Variants in SAMMSON observed in about 807,000 individuals in gnomAD.
The protein encoded by SAMMSON is long intergenic non-protein coding RNA 1212.
chr3:70,126,778 C>CCG, intron 4 of SAMMSON: 1 of 229,382 alleles, frequency 4.4e-6, no homozygotes, highest in East Asian at 1.3e-4. Flanking sequence ...TGCAGTGGCA[C>CCG]AGTCTCTACA....
chr3:70,142,146 G>C lies in SAMMSON; in HGVS notation n.507+70581G>C, dbSNP rs567543365. Among the ~76,000 whole-genome samples the C allele has an allele frequency of 4.6e-5, 7 of 151,928 alleles. No individual in the cohort carries two copies. In the South Asian group the frequency reaches 1.5e-3, roughly 32 times the overall value. ...GGAGGTTCCCTAAAATCTAAAAGTA[G>C]AACTACCATTTGATTCAGCTATCCC... is the stretch of plus-strand genomic sequence containing the variant. On this transcript the variant is annotated intron_variant and non_coding_transcript_variant, in intron 4 of 9. Coordinates refer to ENST00000642114, the Ensembl canonical transcript of SAMMSON.
rs184933545 is a variant in SAMMSON, at chr3:70,322,341, G to A, written n.739+31098G>A. On this transcript the variant is annotated intron_variant and non_coding_transcript_variant, in intron 7 of 9. Coordinates refer to ENST00000642114, the Ensembl canonical transcript of SAMMSON. ...TCTTAGCATCTGTCTTTCTCTTGAG[G>A]GAAGGGGCATCATTTGTCTACATGT... 1.3e-3 allele frequency among the ~76,000 whole-genome samples: 204 copies of A among 152,010 alleles called. 2 individuals are homozygous for A. The highest frequency in any genetic ancestry group is 7.8e-4 in the Non-Finnish European group (53 of 67,940).
intron 6 of SAMMSON, among the ~76,000 whole-genome samples, chr3:70,263,135 C>T (rs550294197): frequency 1.3e-5 from 2 of 152,050 alleles, no homozygotes; most frequent in African/African-American, 4.8e-5. Flanking sequence ...GATACCCTGA[C>T]TATAAACTCT....
chr3:70,152,125 G>T (rs1228140468), intron 4 of SAMMSON, among the ~76,000 whole-genome samples: 1 of 151,742 alleles, frequency 6.6e-6, no homozygotes, highest in East Asian at 1.9e-4. Flanking sequence ...TATAAAATAA[G>T]ATACAGTTCT....
intron 7 of SAMMSON, among the ~76,000 whole-genome samples, chr3:70,330,437 A>G (rs1041092674): frequency 6.6e-6 from 1 of 152,036 alleles, no homozygotes; most frequent in African/African-American, 2.4e-5. Flanking sequence ...TTGTATATCT[A>G]TATTTGTCTT....
At chr3:70,186,722 G>A (rs1701094831) in intron 4 of SAMMSON, among the ~76,000 whole-genome samples, 1 of 152,124 alleles carries the variant, frequency 6.6e-6, no homozygotes, top group Admixed American at 6.6e-5. Flanking sequence ...TGTGTGATGG[G>A]AAACAAATAT....
At chr3:70,408,402 C>T (rs565866494) in intron 2 of SAMMSON, among the ~76,000 whole-genome samples, 33 of 152,274 alleles carry the variant, frequency 2.2e-4, no homozygotes, top group Non-Finnish European at 3.4e-4. Flanking sequence ...CTTATAAAAC[C>T]GAATACCTTT....
chr3:70,364,537 T>C (rs1174443755), intron 9 of SAMMSON, among the ~76,000 whole-genome samples: 2 of 151,944 alleles, frequency 1.3e-5, no homozygotes, highest in Non-Finnish European at 2.9e-5. Context: ...AGATTCCTTT[T>C]TAAAAATTCT....
chr3:70,353,745 T>C (rs936533925), intron 7 of SAMMSON, among the ~76,000 whole-genome samples: 72 of 152,170 alleles, frequency 4.7e-4, no homozygotes, highest in Admixed American at 1.4e-3. Flanking sequence ...TAAAAACTTA[T>C]GTTCACACAA....
Position 70,274,095 on chromosome 3 carries a change from G to A in SAMMSON, n.675-17084G>A, listed in dbSNP as rs545557738. On this transcript the variant is annotated intron_variant and non_coding_transcript_variant, in intron 6 of 9. Coordinates refer to ENST00000642114, the Ensembl canonical transcript of SAMMSON. ...TGTGTGTGTGTGTGTGTGTGTGCGCGCGCGCATGTGTGTGTGTGAGACTGG... is the reference window on the plus strand; with the variant it reads ...TGTGTGTGTGTGTGTGTGTGTGCGCACGCGCATGTGTGTGTGTGAGACTGG... 4.7e-3 allele frequency among the ~76,000 whole-genome samples: 714 copies of A among 151,168 alleles called. 4 individuals carry two copies. Among genetic ancestry groups the A allele is most frequent in the African/African-American group, 0.016 (652 of 41,156 alleles).
At chr3:70,404,881 T>C (rs1262505784) in intron 2 of SAMMSON, among the ~76,000 whole-genome samples, 1 of 152,072 alleles carries the variant, frequency 6.6e-6, no homozygotes, top group African/African-American at 2.4e-5. Flanking sequence ...GATGGAATAA[T>C]GGAGAGAATG....
At chr3:70,257,373 G>A (rs9818533) in intron 6 of SAMMSON, among the ~76,000 whole-genome samples, 1,750 of 152,268 alleles carry the variant, frequency 0.011, 36 homozygotes, top group African/African-American at 0.039. Context: ...AGGAATGTCA[G>A]TAGCCATCAT....
intron 4 of SAMMSON, chr3:70,072,297 GT>G: frequency 6.6e-6 from 1 of 152,008 alleles, no homozygotes; most frequent in Non-Finnish European, 1.5e-5. Flanking sequence ...CAGAATGGAC[GT>G]TCGGGACGTT....
At chr3:70,092,442 A>C (rs1413712804) in intron 4 of SAMMSON, among the ~76,000 whole-genome samples, 1 of 52,870 alleles carries the variant, frequency 1.9e-5, no homozygotes, top group Non-Finnish European at 3.4e-5. Context: ...GATCAAACTC[A>C]TGCTGTTTTT....
intron 1 of SAMMSON, among the ~76,000 whole-genome samples, chr3:70,004,101 T>G (rs976464606): frequency 6.6e-6 from 1 of 152,088 alleles, no homozygotes; most frequent in African/African-American, 2.4e-5. Flanking sequence ...ACTATTATGA[T>G]TTTGGTAACA....
At chr3:70,416,277 C>G (rs935263799) in intron 2 of SAMMSON, among the ~76,000 whole-genome samples, 1 of 152,030 alleles carries the variant, frequency 6.6e-6, no homozygotes. Flanking sequence ...TAATAATTTC[C>G]CTTCATGTCC....
intron 3 of SAMMSON, among the ~76,000 whole-genome samples, chr3:70,019,893 A>C (rs575558132): frequency 1.9e-4 from 29 of 152,276 alleles, no homozygotes; most frequent in African/African-American, 6.5e-4. Flanking sequence ...AGCCTTTGTC[A>C]CACTTATTGG....
intron 7 of SAMMSON, among the ~76,000 whole-genome samples, chr3:70,324,093 G>T (rs536689875): frequency 2.9e-4 from 44 of 152,184 alleles, no homozygotes; most frequent in African/African-American, 9.9e-4. Flanking sequence ...TACAGGGACT[G>T]TTTAACCAGC....
chr3:70,347,212 C>T (rs1264458801), intron 7 of SAMMSON, among the ~76,000 whole-genome samples: 1 of 152,148 alleles, frequency 6.6e-6, no homozygotes, highest in Non-Finnish European at 1.5e-5. Flanking sequence ...GTGGCAAGTA[C>T]AAAAATTCCT....
Sources: allele counts gnomAD v4.1 joint callset (sites outside exome capture counted in the v4.1 genomes callset), GRCh38; gene constraint gnomAD v4.1.1; transcripts MANE v1.5; gene names NCBI Gene and HGNC (gene_info 2026-07-23, HGNC 2026-07-21).